NEGR1: variants seen among roughly 807,000 people sequenced by gnomAD.
The protein encoded by NEGR1 is neuronal growth regulator 1.
A neutral mutation model predicts 40.9 loss-of-function variants in NEGR1; 10 were observed. That is an observed-to-expected ratio of 0.24 (90% CI 0.15 to 0.42). The LOEUF (loss-of-function observed/expected upper bound fraction) is 0.42, where lower values mean the gene tolerates loss of function less well. Among genes scored for constraint, NEGR1 ranks in the 10% least tolerant of loss-of-function variants. The pLI is 1.00. For synonymous variants in NEGR1, 185 were observed against 166.8 expected, an observed-to-expected ratio of 1.11 and a Z score of -0.84; for missense variants, 352 against 438.9, an observed-to-expected ratio of 0.80 and a Z score of 1.77.
At chr1:71,505,389 C>T (rs1349077377) in intron 6 of NEGR1, among the ~76,000 whole-genome samples, 1 of 152,154 alleles carries the variant, frequency 6.6e-6, no homozygotes, top group East Asian at 1.9e-4. Context: ...TCACGCCATT[C>T]TCCTGCCTCA....
At chr1:71,409,122 CAAAG>C (rs1023193662) in intron 6 of NEGR1, 3 of 151,792 alleles carry the variant, frequency 2.0e-5, no homozygotes, top group African/African-American at 4.8e-5. Context: ...AATAAAAAGA[CAAAG>C]AAAGTAAGTC....
At chr1:71,939,554 T>A (rs926397429) in intron 1 of NEGR1, among the ~76,000 whole-genome samples, 1 of 152,096 alleles carries the variant, frequency 6.6e-6, no homozygotes, top group South Asian at 2.1e-4. Context: ...TAATTACATG[T>A]AATTAAATGC....
At chr1:71,577,684 C>T (rs979966175) in intron 6 of NEGR1, among the ~76,000 whole-genome samples, 4 of 152,184 alleles carry the variant, frequency 2.6e-5, no homozygotes, top group Non-Finnish European at 5.9e-5. Context: ...AATTTCTAGT[C>T]TGAAAGCGTC....
At chr1:71,988,431 T>G (rs111824133) in intron 1 of NEGR1, among the ~76,000 whole-genome samples, 6 of 148,918 alleles carry the variant, frequency 4.0e-5, no homozygotes, top group African/African-American at 9.9e-5. Flanking sequence ...CCCAGCTACT[T>G]GGGAGGCTGA....
chr1:72,241,101 C>T (rs1427060453), intron 1 of NEGR1, among the ~76,000 whole-genome samples: 1 of 151,702 alleles, frequency 6.6e-6, no homozygotes, highest in African/African-American at 2.4e-5. Flanking sequence ...CTTATGTTGA[C>T]AAGTTTGTAT....
chr1:72,081,776 T>C (rs1368786453), intron 1 of NEGR1, among the ~76,000 whole-genome samples: 6 of 152,080 alleles, frequency 3.9e-5, no homozygotes, highest in Admixed American at 3.9e-4. Context: ...TAAAAGCAGC[T>C]CGCTTGATTC....
chr1:71,564,258 T>G (rs1396069193), intron 6 of NEGR1, among the ~76,000 whole-genome samples: 1 of 152,068 alleles, frequency 6.6e-6, no homozygotes, highest in Non-Finnish European at 1.5e-5. Context: ...GGAATGCACG[T>G]ATGTTATTTT....
chr1:71,418,127 G>A lies in NEGR1; in HGVS notation c.941-10557C>T, dbSNP rs373093430. Among the ~76,000 whole-genome samples the A allele has an allele frequency of 3.4e-4, 48 of 142,672 alleles. No homozygotes were observed. In the East Asian group the frequency reaches 8.0e-3, roughly 24 times the overall value. The allele number at this position is 142,672 out of a possible 152,430, so 93.6% of individuals were successfully genotyped here. ...CTGTGATGTTTTACTGGATAGTAATGTTGACTCTTGTGTTGAGATAGACCT... is the reference window on the plus strand; with the variant it reads ...CTGTGATGTTTTACTGGATAGTAATATTGACTCTTGTGTTGAGATAGACCT... On this transcript the variant is annotated intron_variant, in intron 6 of 6. Coordinates refer to ENST00000357731, the MANE Select transcript of NEGR1 (RefSeq NM_173808.3).
At chr1:71,545,694 G>A (rs1386069536) in intron 6 of NEGR1, among the ~76,000 whole-genome samples, 2 of 151,442 alleles carry the variant, frequency 1.3e-5, no homozygotes, top group African/African-American at 4.8e-5. Flanking sequence ...TCTGATAAGC[G>A]ACAAGGAGCA....
At chr1:71,718,170 T>G (rs762640063) in intron 3 of NEGR1, among the ~76,000 whole-genome samples, 1 of 152,208 alleles carries the variant, frequency 6.6e-6, no homozygotes, top group Non-Finnish European at 1.5e-5. Context: ...CCTAATCTCA[T>G]GTTGAATTGG....
chr1:71,762,344 G>T (rs1015777859), intron 3 of NEGR1, among the ~76,000 whole-genome samples: 3 of 151,578 alleles, frequency 2.0e-5, no homozygotes, highest in Non-Finnish European at 4.4e-5. Context: ...ACATGTAAAT[G>T]GTTTAAATAC....
At position 71,453,097 on chromosome 1, in the gene NEGR1, C is replaced by A. The variant is rs540129902; in HGVS notation, c.941-45527G>T. Among the ~76,000 whole-genome samples, 46 of 152,224 alleles carry A rather than the reference C, an allele frequency of 3.0e-4. No homozygotes were observed. In the East Asian group the frequency reaches 3.1e-3, roughly 10 times the overall value. On this transcript the variant is annotated intron_variant, in intron 6 of 6. Transcript: ENST00000357731. Reference sequence around the variant, plus strand: ...TATATAGCATCTTTCATGCTCCAAGCGTCTCAATAGCTTTTTGAAAGTACA... The same window carrying A: ...TATATAGCATCTTTCATGCTCCAAGAGTCTCAATAGCTTTTTGAAAGTACA...
At chr1:71,650,482 G>T (rs1651675076) in intron 4 of NEGR1, among the ~76,000 whole-genome samples, 1 of 152,162 alleles carries the variant, frequency 6.6e-6, no homozygotes, top group Non-Finnish European at 1.5e-5. Context: ...AACCTGTGAA[G>T]ATATAAATGC....
rs1433992049 is a variant in NEGR1, at chr1:71,398,791, C to T, written c.*8655G>A. 1 of 152,068 alleles carries T rather than the reference C, an allele frequency of 6.6e-6. No individual in the cohort carries two copies. Among genetic ancestry groups the T allele is most frequent in the African/African-American group, 2.4e-5 (1 of 41,408 alleles). 9.4% of individuals were successfully genotyped at this position (152,068 alleles called of 1,614,324 possible). A position where few individuals can be genotyped will look rare whatever the true frequency, so the allele number is the denominator to read the frequency against. ...CCCACCCAAGTCTCATTTGGAATTC[C>T]CACGGATTGTGGGAGGGACTTGGTG... On this transcript the variant is annotated 3_prime_UTR_variant, in exon 7 of 7. Coordinates refer to ENST00000357731, the MANE Select transcript of NEGR1 (RefSeq NM_173808.3).
At chr1:71,648,549 T>C (rs1385648180) in intron 4 of NEGR1, among the ~76,000 whole-genome samples, 3 of 152,010 alleles carry the variant, frequency 2.0e-5, no homozygotes, top group African/African-American at 7.2e-5. Flanking sequence ...CAAAAGGGAA[T>C]AGGAGGCCTG....
intron 4 of NEGR1, among the ~76,000 whole-genome samples, chr1:71,690,015 T>G (rs1474838620): frequency 6.6e-6 from 1 of 151,946 alleles, no homozygotes; most frequent in African/African-American, 2.4e-5. Flanking sequence ...TCCCCACAAT[T>G]TGGATGCTTT....
At chr1:71,705,998 T>G (rs1008154079) in intron 3 of NEGR1, among the ~76,000 whole-genome samples, 11 of 152,254 alleles carry the variant, frequency 7.2e-5, no homozygotes, top group African/African-American at 2.4e-4. Flanking sequence ...GAAAAACACT[T>G]TCATAAGAAC....
chr1:71,702,274 G>A (rs1386864252), intron 3 of NEGR1, among the ~76,000 whole-genome samples: 1 of 151,948 alleles, frequency 6.6e-6, no homozygotes, highest in Non-Finnish European at 1.5e-5. Flanking sequence ...GAATAAGATT[G>A]TTTCCCTTTC....
At chr1:71,640,178 C>G (rs1216491540) in intron 4 of NEGR1, among the ~76,000 whole-genome samples, 1 of 152,004 alleles carries the variant, frequency 6.6e-6, no homozygotes, top group Non-Finnish European at 1.5e-5. Context: ...GAACAAATTA[C>G]ATGTGAAATG....
Sources: allele counts gnomAD v4.1 joint callset (sites outside exome capture counted in the v4.1 genomes callset), GRCh38; gene constraint gnomAD v4.1.1; transcripts MANE v1.5; gene names NCBI Gene and HGNC (gene_info 2026-07-23, HGNC 2026-07-21).